Variants in CACNG8 observed in about 807,000 individuals in gnomAD.
CACNG8 encodes calcium voltage-gated channel auxiliary subunit gamma 8, also known as voltage-dependent calcium channel gamma-8 subunit.
In CACNG8, 5 loss-of-function variants were observed where a neutral mutation model predicts 26.9. That is an observed-to-expected ratio of 0.19 (90% confidence interval 0.10 to 0.39). The LOEUF (loss-of-function observed/expected upper bound fraction) is 0.39, where lower values mean the gene tolerates loss of function less well. Among genes scored for constraint, CACNG8 ranks in the 10% least tolerant of loss-of-function variants. The pLI is 1.00. For missense variants in CACNG8, 473 were observed against 609.4 expected, an observed-to-expected ratio of 0.78 and a Z score of 2.36; for synonymous variants, 321 against 296.7, an observed-to-expected ratio of 1.08 and a Z score of -0.84.
At chr19:53,980,249 C>A (rs1312371211) in intron 3 of CACNG8, among the ~76,000 whole-genome samples, 1 of 145,110 alleles carries the variant, frequency 6.9e-6, no homozygotes, top group African/African-American at 2.6e-5. Context: ...AGGAGTAAAC[C>A]GACACAGGCA....
At position 53,987,314 on chromosome 19, in the gene CACNG8, C is replaced by A. The variant is rs554339035; in HGVS notation, c.*4465C>A. 1.3e-5 allele frequency: 2 copies of A among 152,394 alleles called. No homozygotes were observed. The highest frequency in any genetic ancestry group is 2.9e-5 in the Non-Finnish European group (2 of 68,056). The allele number at this position is 152,394 out of a possible 1,614,324, so 9.4% of individuals were successfully genotyped here. A position where few individuals can be genotyped will look rare whatever the true frequency, so the allele number is the denominator to read the frequency against. ...GAAATTCCTGGCTTCAAATGATCCA[C>A]CTGCCTCGGCCTCCCAAAATGCTGG... On this transcript the variant is annotated 3_prime_UTR_variant, in exon 4 of 4. Coordinates refer to ENST00000270458, the MANE Select transcript of CACNG8 (RefSeq NM_031895.6).
intron 1 of CACNG8, among the ~76,000 whole-genome samples, chr19:53,973,148 G>A (rs964755279): frequency 6.6e-6 from 1 of 152,164 alleles, no homozygotes; most frequent in Non-Finnish European, 1.5e-5. Flanking sequence ...CAGCAATCCG[G>A]TGTGCCATGT....
chr19:53,984,568 T>TG lies in CACNG8; in HGVS notation c.*1723dup, dbSNP rs2069395714. The TG allele has an allele frequency of 6.6e-6, 1 of 152,302 alleles. No individual in the cohort carries two copies. Among genetic ancestry groups the TG allele is most frequent in the African/African-American group, 2.4e-5 (1 of 41,398 alleles). 9.4% of individuals were successfully genotyped at this position (152,302 alleles called of 1,614,324 possible). On this transcript the variant is annotated 3_prime_UTR_variant, in exon 4 of 4. Transcript: ENST00000270458. ...GAGGAAGTGAACGAGCATGATGTAT[T>TG]GGGGTCAGTGCTAACAGTTCTGGGA...
chr19:53,982,079 G>T lies in CACNG8; in HGVS notation c.509-1G>T. The T allele has an allele frequency of 1.3e-6, 2 of 1,572,584 alleles. No homozygotes were observed. ...GCTCCCGTCTGACCGTCCCCGCCCA[G>T]GCCTGAGCAACATCATCGGCGTGAT... On this transcript the variant is annotated splice_acceptor_variant, in intron 3 of 3. Transcript: ENST00000270458. LOFTEE classifies it high-confidence loss of function. The surrounding 1 kb of genome is among the most constrained non-coding windows in gnomAD (Gnocchi z 8.4).
At chr19:53,971,181 A>G (rs1207617451) in intron 1 of CACNG8, among the ~76,000 whole-genome samples, 1 of 151,072 alleles carries the variant, frequency 6.6e-6, no homozygotes, top group Non-Finnish European at 1.5e-5. Context: ...AATTCCAGCT[A>G]CTCGGGAGGC....
In CACNG8 at chr19:53,982,307, G is replaced by A. The variant is rs1411732994; in HGVS notation, c.736G>A (p.Gly246Ser). 1.2e-6 allele frequency: 2 copies of A among 1,601,544 alleles called. No homozygotes were observed. Among genetic ancestry groups the A allele is most frequent in the South Asian group, 1.1e-5 (1 of 89,614 alleles). Residue 246 changes from glycine (G) to serine (S), a missense_variant, in exon 4 of 4, where the codon GGC (glycine) becomes AGC (serine). Transcript: ENST00000270458. This position sits in a 1 kb window ranked among gnomAD's most constrained non-coding sequence, Gnocchi z 8.4. ...GTCTCGCTCGGACCTGCTCAAGGCCGGCGGGGGCGCGGGCGGCAGTGGCGG... is the reference window on the plus strand; with the variant it reads ...GTCTCGCTCGGACCTGCTCAAGGCCAGCGGGGGCGCGGGCGGCAGTGGCGG...
Position 53,963,141 on chromosome 19 carries a change from A to C in CACNG8, c.-2A>C. 6.6e-7 allele frequency: 1 copy of C among 1,505,260 alleles called. No homozygotes were observed. Among genetic ancestry groups the C allele is most frequent in the South Asian group, 1.2e-5 (1 of 80,006 alleles). The allele number at this position is 1,505,260 out of a possible 1,614,324, so 93.2% of individuals were successfully genotyped here. A position where few individuals can be genotyped will look rare whatever the true frequency, so the allele number is the denominator to read the frequency against. On this transcript the variant is annotated 5_prime_UTR_variant, in exon 1 of 4. Coordinates refer to ENST00000270458, the MANE Select transcript of CACNG8 (RefSeq NM_031895.6). ...ACGGCCCCCCGGCTGCCCGTGGTCAAACTGGAGTCGCTGAAGCGCTGGAAC... is the reference window on the plus strand; with the variant it reads ...ACGGCCCCCCGGCTGCCCGTGGTCACACTGGAGTCGCTGAAGCGCTGGAAC...
chr19:53,982,745 GCGCCCGCGC>G lies in CACNG8; in HGVS notation c.1176_1184del (p.Pro396_Pro398del). 8.4e-7 allele frequency: 1 copy of G among 1,188,794 alleles called. No homozygotes were observed. The highest frequency in any genetic ancestry group is 1.0e-6 in the Non-Finnish European group (1 of 963,658). 73.6% of individuals were successfully genotyped at this position (1,188,794 alleles called of 1,614,324 possible). A position where few individuals can be genotyped will look rare whatever the true frequency, so the allele number is the denominator to read the frequency against. On this transcript the variant is annotated inframe_deletion, in exon 4 of 4. Coordinates refer to ENST00000270458, the MANE Select transcript of CACNG8 (RefSeq NM_031895.6). The surrounding 1 kb of genome is among the most constrained non-coding windows in gnomAD (Gnocchi z 8.4). ...GGTCACCGGGCCGCCCGCCCCGCCC[GCGCCCGCGC>G]CACCCGCGCCCTCTGCGCCCGCCCC...
chr19:53,973,294 G>C (rs915670463), intron 1 of CACNG8, among the ~76,000 whole-genome samples: 1 of 152,154 alleles, frequency 6.6e-6, no homozygotes, highest in Admixed American at 6.5e-5. Context: ...GGCTGACGTG[G>C]GTGGATCACC....
intron 1 of CACNG8, among the ~76,000 whole-genome samples, chr19:53,976,497 G>C (rs1047871530): frequency 2.0e-5 from 3 of 152,168 alleles, no homozygotes; most frequent in Non-Finnish European, 4.4e-5. Context: ...ATTAGCTCTT[G>C]CCAGTATTAC....
chr19:53,975,542 G>A (rs1431166698), intron 1 of CACNG8, among the ~76,000 whole-genome samples: 4 of 151,956 alleles, frequency 2.6e-5, no homozygotes, highest in Non-Finnish European at 4.4e-5. Flanking sequence ...CCCACACCCG[G>A]CTAACTTTTG....
intron 1 of CACNG8, among the ~76,000 whole-genome samples, chr19:53,968,964 G>A (rs551671302): frequency 1.3e-4 from 20 of 151,922 alleles, no homozygotes; most frequent in African/African-American, 3.1e-4. Context: ...CACTGAATGC[G>A]CACAATAACC....
At chr19:53,963,549 G>C in intron 1 of CACNG8, 124 bp downstream of exon 1, 2 of 973,190 alleles carry the variant, frequency 2.1e-6, no homozygotes, top group Non-Finnish European at 2.9e-6. Flanking sequence ...CTGCCAGAGG[G>C]GCTTCTGCGC....
chr19:53,982,050 C>T lies in CACNG8; in HGVS notation c.509-30C>T, dbSNP rs2069372497. On this transcript the variant is annotated intron_variant, in intron 3 of 3. Coordinates refer to ENST00000270458, the MANE Select transcript of CACNG8 (RefSeq NM_031895.6). This position sits in a 1 kb window ranked among gnomAD's most constrained non-coding sequence, Gnocchi z 8.4. ...GCGGGGGCGGGGCCGGGGGTGGCCT[C>T]GAGGCTCCCGTCTGACCGTCCCCGC... is the stretch of plus-strand genomic sequence containing the variant. 1.3e-6 allele frequency: 2 copies of T among 1,524,044 alleles called. No individual in the cohort carries two copies. The highest frequency in any genetic ancestry group is 8.8e-7 in the Non-Finnish European group (1 of 1,138,806). 94.4% of individuals were successfully genotyped at this position (1,524,044 alleles called of 1,614,324 possible). A position where few individuals can be genotyped will look rare whatever the true frequency, so the allele number is the denominator to read the frequency against.
intron 1 of CACNG8, among the ~76,000 whole-genome samples, chr19:53,963,804 CT>C (rs34483691): frequency 0.023 from 2,993 of 128,074 alleles, 61 homozygotes; most frequent in African/African-American, 0.08. Flanking sequence ...TGCCTTTTCT[CT>C]TTTTTTTTTT....
chr19:53,969,021 C>T (rs879898640), intron 1 of CACNG8, among the ~76,000 whole-genome samples: 51 of 151,864 alleles, frequency 3.4e-4, no homozygotes, highest in Non-Finnish European at 2.8e-4. Flanking sequence ...ATTTTGTTTT[C>T]GAGACAGATT....
chr19:53,965,730 A>G (rs566922716), intron 1 of CACNG8, among the ~76,000 whole-genome samples: 2 of 152,168 alleles, frequency 1.3e-5, no homozygotes, highest in East Asian at 3.9e-4. Flanking sequence ...AGGTAAAGTC[A>G]ACCTTTAGGG....
intron 1 of CACNG8, among the ~76,000 whole-genome samples, chr19:53,967,841 A>C (rs576227669): frequency 3.9e-5 from 6 of 152,010 alleles, no homozygotes; most frequent in African/African-American, 1.4e-4. Context: ...AGAAAAAAAA[A>C]CTTTTTTTTT....
At chr19:53,964,893 C>G (rs976599884) in intron 1 of CACNG8, among the ~76,000 whole-genome samples, 3 of 152,200 alleles carry the variant, frequency 2.0e-5, no homozygotes, top group African/African-American at 7.2e-5. Context: ...AACCAGCCAT[C>G]CTGATGCCCC....
Sources: allele counts gnomAD v4.1 joint callset (sites outside exome capture counted in the v4.1 genomes callset), GRCh38; gene constraint gnomAD v4.1.1; non-coding constraint Gnocchi (gnomAD v3.1); transcripts MANE v1.5; gene names NCBI Gene and HGNC (gene_info 2026-07-23, HGNC 2026-07-21).